The following KDM4B variants were observed in gnomAD, a reference collection of about 807,000 sequenced individuals.
KDM4B encodes the protein lysine-specific demethylase 4B.
Under a neutral mutation model 125.2 loss-of-function variants are expected in KDM4B, and 32 were observed. That is an observed-to-expected ratio of 0.26 (90% confidence interval 0.19 to 0.34). KDM4B has a LOEUF of 0.34. Ranked by LOEUF, KDM4B falls within the 10% of genes least tolerant of loss-of-function variation. KDM4B has a pLI of 1.00. For missense variants in KDM4B, 1,190 were observed against 1,577.7 expected, an observed-to-expected ratio of 0.75 and a Z score of 4.16; for synonymous variants, 721 against 677.9, an observed-to-expected ratio of 1.06 and a Z score of -0.99.
At chr19:4,980,184 CCTTT>C (rs1054941260) in intron 1 of KDM4B, among the ~76,000 whole-genome samples, 2 of 152,092 alleles carry the variant, frequency 1.3e-5, no homozygotes, top group Non-Finnish European at 2.9e-5. Flanking sequence ...AATGTTAGAA[CCTTT>C]CTATTATTAC....
At chr19:5,088,562 A>T (rs1220782519) in intron 9 of KDM4B, among the ~76,000 whole-genome samples, 1 of 151,744 alleles carries the variant, frequency 6.6e-6, no homozygotes, top group Non-Finnish European at 1.5e-5. Context: ...TCCATAATTA[A>T]TCAAAACCTA....
At chr19:5,006,133 C>T (rs1469452090) in intron 1 of KDM4B, among the ~76,000 whole-genome samples, 3 of 152,096 alleles carry the variant, frequency 2.0e-5, no homozygotes, top group Non-Finnish European at 4.4e-5. Flanking sequence ...GTGCTGGTCC[C>T]GCCTCCCTTC....
intron 1 of KDM4B, among the ~76,000 whole-genome samples, chr19:4,988,364 C>T (rs2034915830): frequency 6.6e-6 from 1 of 152,180 alleles, no homozygotes; most frequent in South Asian, 2.1e-4. Context: ...CAAGCTCCGC[C>T]TCCTGGGTTC....
chr19:5,120,558 G>A (rs2613797), intron 11 of KDM4B, among the ~76,000 whole-genome samples: 45,330 of 152,060 alleles, frequency 0.3, 7,166 homozygotes, highest in East Asian at 0.66. Flanking sequence ...GGGTGCGGGG[G>A]GCCGGGAGGC....
intron 9 of KDM4B, among the ~76,000 whole-genome samples, chr19:5,088,357 G>A (rs1599593189): frequency 6.6e-6 from 1 of 152,162 alleles, no homozygotes; most frequent in Admixed American, 6.5e-5. Flanking sequence ...TGCGGCCCGG[G>A]CTTTGTCTCC....
chr19:4,999,819 G>T (rs540224418), intron 1 of KDM4B, among the ~76,000 whole-genome samples: 1 of 67,236 alleles, frequency 1.5e-5, no homozygotes, highest in Non-Finnish European at 2.8e-5. Flanking sequence ...CTATCCACCC[G>T]TCCACCCACC....
chr19:5,077,828 C>T (rs758512003), intron 8 of KDM4B: 2 of 263,688 alleles, frequency 7.6e-6, no homozygotes, highest in Middle Eastern at 2.9e-3. Flanking sequence ...AGGGCAGGGC[C>T]CCTCGTCCCG....
rs1461573925 is a variant in KDM4B, at chr19:5,152,165, T to G, written c.*654T>G. 1 of 152,112 alleles carries G rather than the reference T, an allele frequency of 6.6e-6. No homozygotes were observed. 9.4% of individuals were successfully genotyped at this position (152,112 alleles called of 1,614,324 possible). ...ACAGCCCGGTCACTCACGGCCTCGC[T>G]CTCGCCTCACCCCGGCTCCTGGGCT... On this transcript the variant is annotated 3_prime_UTR_variant, in exon 23 of 23. Transcript: ENST00000159111.
At position 5,082,527 on chromosome 19, in the gene KDM4B, C is replaced by G; in HGVS notation, c.918+23C>G. On this transcript the variant is annotated intron_variant, in intron 9 of 22. Coordinates refer to ENST00000159111, the MANE Select transcript of KDM4B (RefSeq NM_015015.3). The surrounding 1 kb of genome is among the most constrained non-coding windows in gnomAD (Gnocchi z 5.4). ...CAGGTAAAAGCTTGCCTGCTGGGAA[C>G]GGGTCCCAGCAGGGCGGGAGGAGGC... 6.4e-7 allele frequency: 1 copy of G among 1,564,146 alleles called. No individual in the cohort carries two copies. The highest frequency in any genetic ancestry group is 8.6e-7 in the Non-Finnish European group (1 of 1,157,040).
Position 5,115,945 on chromosome 19 carries a change from C to G in KDM4B, c.1116-3708C>G, listed in dbSNP as rs187305082. On this transcript the variant is annotated intron_variant, in intron 10 of 22. Transcript: ENST00000159111. The surrounding 1 kb of genome is among the most constrained non-coding windows in gnomAD (Gnocchi z 4.2). ...GAGTTTCAGAAAAAGAAAAGTGTCC[C>G]GGGACCCAAAGGCTTTGCATTTCCA... Among the ~76,000 whole-genome samples the G allele has an allele frequency of 1.3e-5, 2 of 152,034 alleles. No homozygotes were observed. Among genetic ancestry groups the G allele is most frequent in the African/African-American group, 4.8e-5 (2 of 41,398 alleles).
In KDM4B at chr19:5,131,557, C is replaced by T. The variant is rs544798698; in HGVS notation, c.1785+12C>T. On this transcript the variant is annotated intron_variant, in intron 12 of 22. Coordinates refer to ENST00000159111, the MANE Select transcript of KDM4B (RefSeq NM_015015.3). The stretch of plus-strand genomic sequence containing the variant: ...CCGGAGAGGGGCAGGTGGGGTGGAG[C>T]GGGGGAGGCAGGGAGGAGGGGGGCA... 100 of 280,400 alleles carry T rather than the reference C, an allele frequency of 3.6e-4. No homozygotes were observed. In the East Asian group the frequency reaches 3.9e-3, roughly 11 times the overall value. 17.4% of individuals were successfully genotyped at this position (280,400 alleles called of 1,614,324 possible). A position where few individuals can be genotyped will look rare whatever the true frequency, so the allele number is the denominator to read the frequency against.
At position 5,026,974 on chromosome 19, in the gene KDM4B, A is replaced by G. The variant is rs1269522164; in HGVS notation, c.-25-5892A>G. 3.3e-5 allele frequency among the ~76,000 whole-genome samples: 5 copies of G among 152,160 alleles called. No individual in the cohort carries two copies. In the East Asian group the frequency reaches 5.8e-4, roughly 18 times the overall value. The stretch of plus-strand genomic sequence containing the variant: ...CCGAGGGTCCCAGTTGTTGGGAACT[A>G]TGTTGGCCTGGCTCCAGCCAGCTCA... On this transcript the variant is annotated intron_variant, in intron 2 of 22. Coordinates refer to ENST00000159111, the MANE Select transcript of KDM4B (RefSeq NM_015015.3).
At chr19:5,004,845 CCCCCAGCCTGA>C (rs2035507254) in intron 1 of KDM4B, among the ~76,000 whole-genome samples, 1 of 152,134 alleles carries the variant, frequency 6.6e-6, no homozygotes, top group African/African-American at 2.4e-5. Flanking sequence ...CAGATTACAG[CCCCCAGCCTGA>C]CCCCAGAGAC....
Position 5,082,301 on chromosome 19 carries a change from C to A in KDM4B, c.781-66C>A. 6.3e-7 allele frequency: 1 copy of A among 1,595,648 alleles called. No individual in the cohort carries two copies. The highest frequency in any genetic ancestry group is 2.2e-5 in the East Asian group (1 of 44,504). Reference sequence around the variant, plus strand: ...GCTCCCTGGCACTTGCTGGGAAGTGCCCACGTCCCATCCCCTGGTGCGCCT... The same window carrying A: ...GCTCCCTGGCACTTGCTGGGAAGTGACCACGTCCCATCCCCTGGTGCGCCT... On this transcript the variant is annotated intron_variant, in intron 8 of 22. Transcript: ENST00000159111. This position sits in a 1 kb window ranked among gnomAD's most constrained non-coding sequence, Gnocchi z 5.4.
intron 1 of KDM4B, among the ~76,000 whole-genome samples, chr19:4,989,055 C>T (rs1388513619): frequency 1.3e-5 from 2 of 152,224 alleles, no homozygotes; most frequent in Admixed American, 6.5e-5. Context: ...TTCACAGTCT[C>T]ACTGGGCCGG....
chr19:4,994,431 C>T (rs894851510), intron 1 of KDM4B, among the ~76,000 whole-genome samples: 1 of 151,804 alleles, frequency 6.6e-6, no homozygotes, highest in Non-Finnish European at 1.5e-5. Flanking sequence ...TGCGTGGTGG[C>T]GCATGCCTGT....
At chr19:5,038,493 C>T (rs1414833315) in intron 3 of KDM4B, among the ~76,000 whole-genome samples, 1 of 152,246 alleles carries the variant, frequency 6.6e-6, no homozygotes, top group Non-Finnish European at 1.5e-5. Flanking sequence ...CTCGGTTTAA[C>T]TCTAAATTAG....
At chr19:4,992,606 C>T (rs2035064628) in intron 1 of KDM4B, among the ~76,000 whole-genome samples, 2 of 152,202 alleles carry the variant, frequency 1.3e-5, no homozygotes, top group South Asian at 2.1e-4. Flanking sequence ...TGCTACTATC[C>T]CTGGCTAATT....
chr19:5,027,055 G>A lies in KDM4B; in HGVS notation c.-25-5811G>A, dbSNP rs140491177. On this transcript the variant is annotated intron_variant, in intron 2 of 22. Transcript: ENST00000159111. ...CCAGCTGAGGCCTTCACGGCACCCC[G>A]AGGCCCAGAGTCCCGTGAGCGGGAG... 1.5e-3 allele frequency among the ~76,000 whole-genome samples: 226 copies of A among 152,316 alleles called. 2 individuals carry two copies. Among genetic ancestry groups the A allele is most frequent in the African/African-American group, 5.2e-3 (218 of 41,582 alleles).
Sources: gnomAD v4.1 joint callset for allele counts (sites outside exome capture counted in the v4.1 genomes callset) on GRCh38, gnomAD v4.1.1 for gene constraint, Gnocchi (gnomAD v3.1) non-coding constraint, MANE v1.5 for transcripts, NCBI Gene and HGNC (gene_info 2026-07-23, HGNC 2026-07-21) for gene names.